The following GAPVD1 variants were observed in gnomAD, a reference collection of about 807,000 sequenced individuals.
GAPVD1 encodes GTPase-activating protein and VPS9 domain-containing protein 1.
GAPVD1 carries 35 observed loss-of-function variants against 155.5 expected under a neutral mutation model. That is an observed-to-expected ratio of 0.23 (90% CI 0.17 to 0.30). The LOEUF (loss-of-function observed/expected upper bound fraction) is 0.30. Ranked by LOEUF, GAPVD1 falls within the 10% of genes least tolerant of loss-of-function variation. The pLI is 1.00. For synonymous variants in GAPVD1, 636 were observed against 619.7 expected (o/e 1.03, Z -0.39); for missense variants, 1,429 against 1,775.7 (o/e 0.80, Z 3.51).
rs1564454045 is a variant in GAPVD1 at position 125,349,402 on chromosome 9, ATGG to A, written c.3185_3187del (p.Gly1062del). ...GGGTTTTGTTTAGAGGTTATGGGTG[ATGG>A]TGAAAGTGCACATGATTCTCCCCGT... On this transcript the variant is annotated inframe_deletion, in exon 21 of 28. Coordinates refer to ENST00000297933, the MANE Select transcript of GAPVD1 (RefSeq NM_001282680.3). 2.4e-5 allele frequency: 39 copies of A among 1,613,916 alleles called. No homozygotes were observed. The highest frequency in any genetic ancestry group is 3.2e-5 in the Non-Finnish European group (38 of 1,179,884).
intron 2 of GAPVD1, among the ~76,000 whole-genome samples, chr9:125,277,758 C>T (rs567135412): frequency 3.3e-5 from 5 of 151,682 alleles, no homozygotes; most frequent in African/African-American, 9.7e-5. Flanking sequence ...CAGCCTTGAC[C>T]TCCCAGGCTC....
intron 6 of GAPVD1, among the ~76,000 whole-genome samples, chr9:125,306,640 G>T (rs925191496): frequency 3.3e-5 from 5 of 151,956 alleles, no homozygotes; most frequent in South Asian, 2.1e-4. Flanking sequence ...CTGCAGGTGC[G>T]CGCCACCACA....
chr9:125,314,164 A>G (rs1472415835), intron 9 of GAPVD1, among the ~76,000 whole-genome samples: 2 of 152,242 alleles, frequency 1.3e-5, no homozygotes, highest in Non-Finnish European at 1.5e-5. Context: ...TTCTAGTGGT[A>G]TACTAGTAGT....
intron 23 of GAPVD1, among the ~76,000 whole-genome samples, chr9:125,353,492 T>G (rs564638724): frequency 6.6e-6 from 1 of 152,294 alleles, no homozygotes; most frequent in South Asian, 2.1e-4. Flanking sequence ...TTTCACATTT[T>G]CGGGTGTCTT....
Position 125,365,400 on chromosome 9 carries a change from T to C in GAPVD1, c.*2654T>C, listed in dbSNP as rs1851414274. The C allele has an allele frequency of 6.6e-6, 1 of 152,084 alleles. No individual in the cohort carries two copies. Among genetic ancestry groups the C allele is most frequent in the Admixed American group, 6.6e-5 (1 of 15,258 alleles). The allele number at this position is 152,084 out of a possible 1,614,324, so 9.4% of individuals were successfully genotyped here. On this transcript the variant is annotated 3_prime_UTR_variant, in exon 28 of 28. Coordinates refer to ENST00000297933, the MANE Select transcript of GAPVD1 (RefSeq NM_001282680.3). ...CTCCACTGCCTTCCAGTACTTTCTT[T>C]ACATGAAAGATTAGTGTAAAAGTAC...
At chr9:125,300,208 G>A (rs1329970661) in intron 4 of GAPVD1, among the ~76,000 whole-genome samples, 3 of 143,380 alleles carry the variant, frequency 2.1e-5, no homozygotes, top group Non-Finnish European at 3.0e-5. Context: ...TTGAGTTGGA[G>A]TCTCGCTCTG....
chr9:125,309,193 G>A (rs1842300292), intron 8 of GAPVD1: 2 of 152,010 alleles, frequency 1.3e-5, no homozygotes, highest in African/African-American at 2.4e-5. Context: ...TATATTTAAC[G>A]TAATGTGGAA....
At chr9:125,346,576 C>T (rs1319167472) in intron 19 of GAPVD1, 1 of 544,618 alleles carries the variant, frequency 1.8e-6, no homozygotes, top group South Asian at 2.0e-5. Flanking sequence ...AACTTTGACA[C>T]TGTCATTCTG....
chr9:125,269,689 G>A (rs1834563351), intron 2 of GAPVD1, among the ~76,000 whole-genome samples: 1 of 146,106 alleles, frequency 6.8e-6, no homozygotes, highest in South Asian at 2.2e-4. Flanking sequence ...TGGGATTACA[G>A]GCATGAGCTA....
intron 18 of GAPVD1, 27 bp downstream of exon 18, chr9:125,341,291 G>T: frequency 8.9e-7 from 1 of 1,122,592 alleles, no homozygotes; most frequent in South Asian, 1.3e-5. Flanking sequence ...TTAGAACGCT[G>T]TATTAGCAAT....
chr9:125,293,850 TTTTATATATATATATATATATATATA>T (rs1436129242), intron 2 of GAPVD1, among the ~76,000 whole-genome samples: 6 of 42,866 alleles, frequency 1.4e-4, no homozygotes, highest in Non-Finnish European at 2.2e-4. Context: ...TAAAAATATA[TTTTATATATATATATATATATATATA>T]TATATATATA....
rs535496838 is a variant in GAPVD1 at position 125,273,514 on chromosome 9, T to C, written c.-150+4530T>C. On this transcript the variant is annotated intron_variant, in intron 2 of 27. Coordinates refer to ENST00000297933, the MANE Select transcript of GAPVD1 (RefSeq NM_001282680.3). ...TTCTTTTCTTTTTTTTTTTTTTTAA[T>C]TCTTCAGCTAAGACTGCAGAAGAGG... Among the ~76,000 whole-genome samples the C allele has an allele frequency of 8.6e-5, 13 of 151,810 alleles. No individual in the cohort carries two copies. In the South Asian group the frequency reaches 1.9e-3, roughly 22 times the overall value.
chr9:125,347,270 C>G (rs1016614017), intron 20 of GAPVD1, among the ~76,000 whole-genome samples: 2 of 152,044 alleles, frequency 1.3e-5, no homozygotes, highest in African/African-American at 4.8e-5. Flanking sequence ...TATGCACTCT[C>G]AATATAGCTG....
intron 10 of GAPVD1, among the ~76,000 whole-genome samples, chr9:125,323,017 C>T (rs1588941171): frequency 7.0e-6 from 1 of 142,600 alleles, no homozygotes; most frequent in Non-Finnish European, 1.5e-5. Flanking sequence ...GGTGCCACTG[C>T]ATTCCAGCTT....
Position 125,349,410 on chromosome 9 carries a change from A to C in GAPVD1, c.3190A>C (p.Ser1064Arg). The change falls in exon 21 of 28, where the codon AGT becomes CGT. Residue 1064 changes from serine (S) to arginine (R), a missense_variant. Physicochemically the swap from Ser to Arg is moderately radical, Grantham distance 110 (BLOSUM62 -1). This residue lies in a region of GAPVD1 where 699 missense variants were observed against 826.0 expected (regional missense o/e 0.85). Transcript: ENST00000297933. Reference protein sequence around the residue: ...ESTEVMGDGESAHDSPRDEAL... With the variant: ...ESTEVMGDGERAHDSPRDEAL... ...TTTAGAGGTTATGGGTGATGGTGAA[A>C]GTGCACATGATTCTCCCCGTGACGA... The C allele has an allele frequency of 6.2e-7, 1 of 1,613,818 alleles. No homozygotes were observed. The highest frequency in any genetic ancestry group is 2.2e-5 in the East Asian group (1 of 44,866).
At chr9:125,349,057 C>T (rs1479934857) in intron 20 of GAPVD1, among the ~76,000 whole-genome samples, 1 of 152,166 alleles carries the variant, frequency 6.6e-6, no homozygotes, top group African/African-American at 2.4e-5. Flanking sequence ...TTTTTGAAGC[C>T]TCTTTTAGTT....
intron 3 of GAPVD1, among the ~76,000 whole-genome samples, chr9:125,298,596 C>T (rs1840272949): frequency 6.7e-6 from 1 of 148,960 alleles, no homozygotes. Context: ...TCAAGGAATC[C>T]CCCTGCCTCA....
intron 3 of GAPVD1, among the ~76,000 whole-genome samples, chr9:125,296,401 C>T (rs1464243780): frequency 1.4e-5 from 2 of 143,444 alleles, no homozygotes; most frequent in Admixed American, 1.4e-4. Flanking sequence ...TGTCACCAGA[C>T]TGGAGTGCAG....
intron 11 of GAPVD1, among the ~76,000 whole-genome samples, chr9:125,325,084 G>C (rs550067234): frequency 6.6e-6 from 1 of 152,026 alleles, no homozygotes; most frequent in Admixed American, 6.6e-5. Flanking sequence ...AATTAGCCAG[G>C]TGAGGTGGTG....
Sources: gnomAD v4.1 joint callset for allele counts (sites outside exome capture counted in the v4.1 genomes callset) on GRCh38, gnomAD v4.1.1 for gene constraint, gnomAD v4.1.1 regional missense constraint, MANE v1.5 for transcripts, NCBI Gene and HGNC (gene_info 2026-07-23, HGNC 2026-07-21) for gene names.